The following UTP20 variants were observed in gnomAD, a reference collection of about 807,000 sequenced individuals.
UTP20 encodes UTP20 small subunit processome component, also known as small subunit processome component 20 homolog.
Under a neutral mutation model 329.5 loss-of-function variants are expected in UTP20, and 164 were observed. The observed-to-expected ratio is 0.50, with a 90% CI of 0.44 to 0.57. The LOEUF is 0.57. UTP20 is among the 20% of genes least tolerant of loss of function. The probability of loss-of-function intolerance (pLI) is 0.00; values close to 1 mark genes in which losing one functional copy is unlikely to be tolerated. For synonymous variants in UTP20, 1,151 were observed against 1,159.3 expected (o/e 0.99, Z 0.14); for missense variants, 3,055 against 3,284.2 (o/e 0.93, Z 1.71).
chr12:101,357,627 G>A (rs758680003), intron 43 of UTP20, among the ~76,000 whole-genome samples: 22 of 152,246 alleles, frequency 1.4e-4, no homozygotes, highest in Middle Eastern at 3.4e-3. Flanking sequence ...GGTGGCACAC[G>A]TTTGTGGTCC....
rs1261841903 is a variant in UTP20, at chr12:101,368,851, TGG to T, written c.6385-868_6385-867del. Among the ~76,000 whole-genome samples the T allele has an allele frequency of 2.6e-5, 4 of 152,306 alleles. No individual in the cohort carries two copies. In the East Asian group the frequency reaches 7.7e-4, roughly 29 times the overall value. ...TCAAACAGGTAATCAGTTGCAGAGC[TGG>T]GATGTAAGCCAAGGTCTTTCCGACT... On this transcript the variant is annotated intron_variant, in intron 48 of 61. Transcript: ENST00000261637.
At chr12:101,371,523 CTTTTTTTTT>C (rs58024998) in intron 51 of UTP20, among the ~76,000 whole-genome samples, 1 of 65,388 alleles carries the variant, frequency 1.5e-5, no homozygotes, top group African/African-American at 7.9e-5. Context: ...GGGCTTTGTT[CTTTTTTTTT>C]TTTTTTTTTT....
chr12:101,369,961 C>T (rs1322153933), intron 49 of UTP20, 70 bp downstream of exon 49: 2 of 1,489,456 alleles, frequency 1.3e-6, no homozygotes, highest in African/African-American at 2.8e-5. Flanking sequence ...TACCTATAAT[C>T]CCAGCACTTT....
At chr12:101,370,165 T>A (rs928758003) in intron 49 of UTP20, among the ~76,000 whole-genome samples, 1 of 152,126 alleles carries the variant, frequency 6.6e-6, no homozygotes, top group Non-Finnish European at 1.5e-5. Flanking sequence ...TGCAGTGAGC[T>A]ATGATCACAT....
chr12:101,310,735 A>G (rs1390918617), intron 19 of UTP20, among the ~76,000 whole-genome samples: 1 of 152,124 alleles, frequency 6.6e-6, no homozygotes, highest in African/African-American at 2.4e-5. Context: ...ATTAGTTATT[A>G]GTTCTTACTT....
At chr12:101,381,965 G>A (rs1040354334) in intron 58 of UTP20, among the ~76,000 whole-genome samples, 9 of 131,520 alleles carry the variant, frequency 6.8e-5, no homozygotes, top group Non-Finnish European at 1.4e-4. Context: ...GTTGCACTAA[G>A]CCAAAATCAC....
In UTP20 at chr12:101,368,321, CG is replaced by C. The variant is rs555529788; in HGVS notation, c.6384+349del. Among the ~76,000 whole-genome samples, 7 of 152,002 alleles carry C rather than the reference CG, an allele frequency of 4.6e-5. No individual in the cohort carries two copies. In the South Asian group the frequency reaches 1.5e-3, roughly 32 times the overall value. On this transcript the variant is annotated intron_variant, in intron 48 of 61. Transcript: ENST00000261637. The stretch of plus-strand genomic sequence containing the variant: ...CTAACTTTTGTATTTTTAGTAGACA[CG>C]GGGTTTCATCTTGTTGGCCAGACTG...
At chr12:101,340,472 G>A in intron 31 of UTP20, 51 bp from the exon 32 acceptor site, 1 of 1,171,318 alleles carries the variant, frequency 8.5e-7, no homozygotes, top group South Asian at 1.4e-5. Flanking sequence ...TAACTTCTTA[G>A]AGAAATATCC....
chr12:101,346,211 C>G (rs3782847), intron 37 of UTP20, among the ~76,000 whole-genome samples: 2,127 of 152,164 alleles, frequency 0.014, 29 homozygotes, highest in East Asian at 0.08. Context: ...ACCACCACAC[C>G]CAGCTAATTT....
At chr12:101,358,575 T>C (rs1565803770) in intron 43 of UTP20, among the ~76,000 whole-genome samples, 1 of 152,226 alleles carries the variant, frequency 6.6e-6, no homozygotes, top group South Asian at 2.1e-4. Flanking sequence ...ACAGATTCTG[T>C]TAGTTTTCTT....
intron 16 of UTP20, 76 bp downstream of exon 16, chr12:101,306,141 C>A: frequency 7.0e-7 from 1 of 1,421,842 alleles, no homozygotes; most frequent in Non-Finnish European, 9.3e-7. Context: ...GTTTTCAGAG[C>A]ATCTTAGTTA....
intron 19 of UTP20, 127 bp from the exon 20 acceptor site, chr12:101,311,592 A>G: frequency 2.5e-6 from 2 of 788,708 alleles, no homozygotes; most frequent in Non-Finnish European, 3.9e-6. Context: ...GGTGTTTACG[A>G]CTCCACATTG....
intron 38 of UTP20, among the ~76,000 whole-genome samples, chr12:101,349,399 ATTTTCTTTTT>A (rs1222160494): frequency 1.5e-5 from 2 of 136,304 alleles, no homozygotes; most frequent in Non-Finnish European, 3.2e-5. Context: ...AAACTTGAAA[ATTTTCTTTTT>A]TTTTCTTTCT....
rs1565803119 is a variant in UTP20, at chr12:101,356,541, AT to A, written c.5395-8del. ...TTATTTTCATTTTAGCTTAACCTAA[AT>A]TTTTCTTACAGACTAAAAGGGAAGA... On this transcript the variant is annotated splice_polypyrimidine_tract_variant and intron_variant, in intron 41 of 61. Coordinates refer to ENST00000261637, the MANE Select transcript of UTP20 (RefSeq NM_014503.3). 1 of 1,597,540 alleles carries A rather than the reference AT, an allele frequency of 6.3e-7. No individual in the cohort carries two copies. Among genetic ancestry groups the A allele is most frequent in the South Asian group, 1.1e-5 (1 of 87,834 alleles).
intron 51 of UTP20, among the ~76,000 whole-genome samples, chr12:101,371,464 G>A (rs1440197621): frequency 1.3e-5 from 2 of 151,932 alleles, no homozygotes; most frequent in African/African-American, 2.4e-5. Context: ...GTGAATTGAG[G>A]GGTGGGGAGC....
rs1872637819 is a variant in UTP20, at chr12:101,306,176, C to G, written c.1932+111C>G. The stretch of plus-strand genomic sequence containing the variant: ...AGAAAGTGTTGCTGTGGGATGATTT[C>G]TGTTTAAAGCGATGATTCTTAAATG... On this transcript the variant is annotated intron_variant, in intron 16 of 61. Coordinates refer to ENST00000261637, the MANE Select transcript of UTP20 (RefSeq NM_014503.3). 2.3e-6 allele frequency: 3 copies of G among 1,303,608 alleles called. No individual in the cohort carries two copies. In the South Asian group the frequency reaches 5.1e-5, roughly 22 times the overall value. The allele number at this position is 1,303,608 out of a possible 1,614,324, so 80.8% of individuals were successfully genotyped here. A position where few individuals can be genotyped will look rare whatever the true frequency, so the allele number is the denominator to read the frequency against.
intron 2 of UTP20, among the ~76,000 whole-genome samples, chr12:101,282,771 A>G (rs1333943527): frequency 2.0e-5 from 3 of 152,226 alleles, no homozygotes; most frequent in Non-Finnish European, 4.4e-5. Context: ...TTGGAGATCC[A>G]ATCTCAGTTG....
In UTP20 at chr12:101,379,442, C is replaced by G; in HGVS notation, c.7468C>G (p.Leu2490Val). Residue 2490 changes from leucine (L) to valine (V), a missense_variant, in exon 57 of 62, where the codon CTC (leucine) becomes GTC (valine). By Grantham distance (32) the Leu-to-Val change is conservative. Coordinates refer to ENST00000261637, the MANE Select transcript of UTP20 (RefSeq NM_014503.3). ...WLTAAQIFGL[L>V]FASCQPEELI... The stretch of plus-strand genomic sequence containing the variant: ...CACAGCAGCCCAGATTTTTGGATTA[C>G]TCTTTGCCTCTTGCCAGCCAGAGGA... The G allele has an allele frequency of 1.2e-6, 2 of 1,614,104 alleles. No homozygotes were observed. The highest frequency in any genetic ancestry group is 1.7e-6 in the Non-Finnish European group (2 of 1,179,968).
intron 11 of UTP20, among the ~76,000 whole-genome samples, chr12:101,293,544 T>G (rs1053592831): frequency 6.6e-6 from 1 of 152,234 alleles, no homozygotes; most frequent in African/African-American, 2.4e-5. Context: ...GGTGGAAGTT[T>G]GCAAATTGAT....
Sources: gnomAD v4.1 joint callset for allele counts (sites outside exome capture counted in the v4.1 genomes callset) on GRCh38, gnomAD v4.1.1 for gene constraint, MANE v1.5 for transcripts, NCBI Gene and HGNC (gene_info 2026-07-23, HGNC 2026-07-21) for gene names.